Variants in ARID1A observed in about 807,000 individuals in gnomAD.
ARID1A encodes the protein AT-rich interaction domain 1A, also known as AT-rich interactive domain-containing protein 1A.
In ARID1A, 20 loss-of-function variants were observed where a neutral mutation model predicts 212.6. The ratio of observed to expected loss-of-function variants is 0.09; its 90% CI spans 0.07 to 0.14. The LOEUF (loss-of-function observed/expected upper bound fraction) is 0.14, where lower values mean the gene tolerates loss of function less well. Ranked by LOEUF, ARID1A falls within the 10% of genes least tolerant of loss-of-function variation. The pLI is 1.00. For missense variants in ARID1A, 2,587 were observed against 3,059.0 expected (o/e 0.85, Z 3.64); for synonymous variants, 1,376 against 1,222.1 (o/e 1.13, Z -2.63).
intron 1 of ARID1A, among the ~76,000 whole-genome samples, chr1:26,709,626 CTTTTTTTTTTT>C (rs57532083): frequency 1.5e-4 from 18 of 118,508 alleles, no homozygotes; most frequent in Admixed American, 1.2e-3. Flanking sequence ...TACTGTAATG[CTTTTTTTTTTT>C]TTTTTTTTTT....
In ARID1A at chr1:26,718,348, A is replaced by G. The variant is rs185925937; in HGVS notation, c.1138-11303A>G. On this transcript the variant is annotated intron_variant, in intron 1 of 19. Coordinates refer to ENST00000324856, the MANE Select transcript of ARID1A (RefSeq NM_006015.6). ...CTATCTGTTCTGTTGATAAGGAAACAGAGACAAAAGTTGAAGGCACTGCAG... is the reference window on the plus strand; with the variant it reads ...CTATCTGTTCTGTTGATAAGGAAACGGAGACAAAAGTTGAAGGCACTGCAG... Among the ~76,000 whole-genome samples the G allele has an allele frequency of 3.1e-4, 47 of 152,336 alleles. 2 individuals are homozygous for G. In the East Asian group the frequency reaches 9.1e-3, roughly 29 times the overall value.
At chr1:26,745,721 T>TA (rs2080829983) in intron 4 of ARID1A, among the ~76,000 whole-genome samples, 1 of 152,192 alleles carries the variant, frequency 6.6e-6, no homozygotes, top group Admixed American at 6.5e-5. Context: ...CTTTTACTGT[T>TA]AGGACCAACT....
intron 4 of ARID1A, among the ~76,000 whole-genome samples, chr1:26,751,171 C>G (rs781311762): frequency 2.0e-5 from 3 of 151,964 alleles, no homozygotes; most frequent in Non-Finnish European, 4.4e-5. Flanking sequence ...AGGAGAATCA[C>G]TAGAACCTGG....
At chr1:26,757,787 G>A (rs1002465096) in intron 4 of ARID1A, among the ~76,000 whole-genome samples, 1 of 151,980 alleles carries the variant, frequency 6.6e-6, no homozygotes, top group African/African-American at 2.4e-5. Flanking sequence ...CCCTGCCTCA[G>A]CCTCCTGAGT....
chr1:26,744,180 A>G (rs1380069545), intron 4 of ARID1A, among the ~76,000 whole-genome samples: 1 of 152,150 alleles, frequency 6.6e-6, no homozygotes, highest in East Asian at 1.9e-4. Context: ...TGGACTGGCC[A>G]ATCCGCTTCT....
chr1:26,728,316 T>C (rs2080638093), intron 1 of ARID1A, among the ~76,000 whole-genome samples: 1 of 152,194 alleles, frequency 6.6e-6, no homozygotes. Context: ...TTTTCTTTCA[T>C]GAAAGCTCTA....
chr1:26,716,406 T>C (rs866419972), intron 1 of ARID1A, among the ~76,000 whole-genome samples: 4 of 152,140 alleles, frequency 2.6e-5, no homozygotes, highest in African/African-American at 7.2e-5. Flanking sequence ...ATAACTGTAG[T>C]TACAGTTGTA....
chr1:26,760,839 T>TTA lies in ARID1A; in HGVS notation c.1921-9_1921-8dup. Reference sequence around the variant, plus strand: ...TGCCTAATATTACTAATCCATGTTCTTATATATATGTTCTAGGATCTATCT... The same window carrying TTA: ...TGCCTAATATTACTAATCCATGTTCTTATATATATATGTTCTAGGATCTATCT... On this transcript the variant is annotated splice_polypyrimidine_tract_variant and intron_variant, in intron 4 of 19. Transcript: ENST00000324856. 6.2e-7 allele frequency: 1 copy of TTA among 1,600,398 alleles called. No individual in the cohort carries two copies. The highest frequency in any genetic ancestry group is 1.3e-5 in the African/African-American group (1 of 74,686).
rs1003835206 is a variant in ARID1A, at chr1:26,779,746, C to G, written c.5848C>G (p.Arg1950Gly). The change falls in exon 20 of 20, where the codon CGG (arginine) becomes GGG (glycine). Residue 1950 changes from arginine to glycine, a missense_variant. Arg to Gly is a moderately radical substitution (Grantham distance 125). Transcript: ENST00000324856. The stretch of plus-strand genomic sequence containing the variant: ...TGGCATTAGCCCAGCACAGAGCCAC[C>G]GGAACATCAAGATCCTAGAGGACGA... ...PFGISPAQSH[R>G]NIKILEDEPH... The G allele has an allele frequency of 1.9e-6, 3 of 1,614,082 alleles. No homozygotes were observed. The highest frequency in any genetic ancestry group is 2.2e-5 in the East Asian group (1 of 44,880).
In ARID1A at chr1:26,766,669, A is replaced by G; in HGVS notation, c.2988+103A>G. The stretch of plus-strand genomic sequence containing the variant: ...TGACAAGATCCCAGCCTTTTATGAC[A>G]CCGGACTAGATAGTCTCTGAAAAAG... On this transcript the variant is annotated intron_variant, in intron 10 of 19. Coordinates refer to ENST00000324856, the MANE Select transcript of ARID1A (RefSeq NM_006015.6). 3 of 1,183,380 alleles carry G rather than the reference A, an allele frequency of 2.5e-6. No individual in the cohort carries two copies. The South Asian group carries it at 4.6e-5, about 18-fold the overall frequency. The allele number at this position is 1,183,380 out of a possible 1,614,324, so 73.3% of individuals were successfully genotyped here.
Position 26,696,735 on chromosome 1 carries a change from C to T in ARID1A, c.332C>T (p.Pro111Leu), listed in dbSNP as rs1336286811. ...KNSNGNAGPR[P>L]ALNNNLTEPP... Reference sequence around the variant, plus strand: ...TCGAACGGGAACGCGGGCCCTAGGCCCGCCCTGAACAATAACCTCACGGAG... The same window carrying T: ...TCGAACGGGAACGCGGGCCCTAGGCTCGCCCTGAACAATAACCTCACGGAG... The change falls in exon 1 of 20, where the codon CCC (proline) becomes CTC (leucine). Residue 111 changes from proline (P) to leucine (L), a missense_variant. Transcript: ENST00000324856. 4 of 1,371,394 alleles carry T rather than the reference C, an allele frequency of 2.9e-6. No homozygotes were observed. The highest frequency in any genetic ancestry group is 1.5e-5 in the African/African-American group (1 of 64,910). 85.0% of individuals were successfully genotyped at this position (1,371,394 alleles called of 1,614,324 possible).
chr1:26,707,037 T>C (rs2080398890), intron 1 of ARID1A, among the ~76,000 whole-genome samples: 1 of 151,720 alleles, frequency 6.6e-6, no homozygotes, highest in Non-Finnish European at 1.5e-5. Context: ...TCCTGACTTT[T>C]TTTTTTTTTT....
Position 26,696,603 on chromosome 1 carries a change from A to C in ARID1A, c.200A>C (p.Gln67Pro), listed in dbSNP as rs2124740705. The change falls in exon 1 of 20, where the codon CAG (glutamine) becomes CCG (proline). Residue 67 changes from glutamine to proline, a missense_variant. By Grantham distance (76) the Gln-to-Pro change is moderately conservative (BLOSUM62 -1). This residue lies in a region of ARID1A where 735 missense variants were observed against 590.6 expected (regional missense o/e 1.24). Transcript: ENST00000324856. ...GAGGGCCCCGCCGTGGGGCCGCCGC[A>C]GCCGCTGGGAAAGGAGCTGCAGGAC... Reference protein sequence around the residue: ...ESEGPAVGPPQPLGKELQDGA... With the variant: ...ESEGPAVGPPPPLGKELQDGA... 5 of 1,232,586 alleles carry C rather than the reference A, an allele frequency of 4.1e-6. No homozygotes were observed. 76.4% of individuals were successfully genotyped at this position (1,232,586 alleles called of 1,614,324 possible).
Position 26,779,730 on chromosome 1 carries a change from C to T in ARID1A, c.5832C>T (p.Ser1944=), listed in dbSNP as rs762481667. The change falls in exon 20 of 20, where the codon AGC becomes AGT. Residue 1944 remains serine, a synonymous_variant. Transcript: ENST00000324856. Reference sequence around the variant, plus strand: ...GCAGCAAGTTTCCATTTGGCATTAGCCCAGCACAGAGCCACCGGAACATCA... The same window carrying T: ...GCAGCAAGTTTCCATTTGGCATTAGTCCAGCACAGAGCCACCGGAACATCA... The part of the protein sequence containing the change: ...KESSKFPFGI[S]PAQSHRNIKI... 1 of 1,614,084 alleles carries T rather than the reference C, an allele frequency of 6.2e-7. No homozygotes were observed. The highest frequency in any genetic ancestry group is 1.7e-5 in the Admixed American group (1 of 60,014).
At chr1:26,757,331 A>G (rs935518771) in intron 4 of ARID1A, among the ~76,000 whole-genome samples, 12 of 151,258 alleles carry the variant, frequency 7.9e-5, no homozygotes, top group East Asian at 5.9e-4. Context: ...TTAGCCGGGC[A>G]TGGTGGCGGG....
In ARID1A at chr1:26,760,686, C is replaced by CA. The variant is rs201898727; in HGVS notation, c.1921-159dup. ...CTGGGCAACGAGTGAAACACTGTCT[C>CA]AAAAAAAAAAATTTTTTTTTTTAAT... is the stretch of plus-strand genomic sequence containing the variant. On this transcript the variant is annotated intron_variant, in intron 4 of 19. Transcript: ENST00000324856. Among the ~76,000 whole-genome samples the CA allele has an allele frequency of 0.071, 10,278 of 145,186 alleles. 377 individuals are homozygous for CA. Among genetic ancestry groups the CA allele is most frequent in the Non-Finnish European group, 0.081 (5,351 of 66,064 alleles).
At position 26,697,502 on chromosome 1, in the gene ARID1A, A is replaced by G. The variant is rs932715321; in HGVS notation, c.1099A>G (p.Ser367Gly). The change falls in exon 1 of 20, where the codon AGC (serine) becomes GGC (glycine). Residue 367 changes from serine to glycine, a missense_variant. Around this residue, in one of 11 missense-constraint regions of ARID1A, gnomAD observed 735 missense variants for 590.6 expected, o/e 1.24. Transcript: ENST00000324856. ...CCACGCGCCCATGAGCCCCGGGAGC[A>G]GCGGCGGCGGGGGGCAGCCGCTCGC... ...SHHAPMSPGS[S>G]GGGGQPLART... is the part of the protein sequence containing the mutation. 5.0e-6 allele frequency: 7 copies of G among 1,402,474 alleles called. No homozygotes were observed. In the African/African-American group the frequency reaches 7.6e-5, roughly 15 times the overall value. The allele number at this position is 1,402,474 out of a possible 1,614,324, so 86.9% of individuals were successfully genotyped here.
chr1:26,709,018 TGGG>T (rs2080423116), intron 1 of ARID1A, among the ~76,000 whole-genome samples: 1 of 152,070 alleles, frequency 6.6e-6, no homozygotes, highest in South Asian at 2.1e-4. Flanking sequence ...ATTTGCCACT[TGGG>T]GGAAATGAAC....
chr1:26,777,489 C>T (rs1319700308), intron 19 of ARID1A, among the ~76,000 whole-genome samples: 1 of 151,300 alleles, frequency 6.6e-6, no homozygotes, highest in Non-Finnish European at 1.5e-5. Flanking sequence ...ACCTCAGCCT[C>T]TCAAAGTACT....
Sources: gnomAD v4.1 joint callset for allele counts (sites outside exome capture counted in the v4.1 genomes callset) on GRCh38, gnomAD v4.1.1 for gene constraint, gnomAD v4.1.1 regional missense constraint, MANE v1.5 for transcripts, NCBI Gene and HGNC (gene_info 2026-07-23, HGNC 2026-07-21) for gene names.